Variants in ZHX2 observed in about 807,000 individuals in gnomAD.
ZHX2 encodes the protein zinc fingers and homeoboxes 2, also known as zinc fingers and homeoboxes protein 2.
ZHX2 carries 6 observed loss-of-function variants against 21.9 expected under a neutral mutation model. That is an observed-to-expected ratio of 0.27 (90% CI 0.15 to 0.54). The LOEUF is 0.54. ZHX2 is among the 20% of genes least tolerant of loss of function. ZHX2 has a pLI of 0.95. For missense variants in ZHX2, 908 were observed against 1,090.7 expected (o/e 0.83, Z 2.36); for synonymous variants, 434 against 437.1 (o/e 0.99, Z 0.09).
chr8:122,808,232 A>G (rs1353247174), intron 1 of ZHX2, among the ~76,000 whole-genome samples: 1 of 152,220 alleles, frequency 6.6e-6, no homozygotes, highest in Non-Finnish European at 1.5e-5. Context: ...TCAGGGTTTT[A>G]AACAACAGCA....
intron 2 of ZHX2, among the ~76,000 whole-genome samples, chr8:122,921,517 C>T (rs890486900): frequency 6.6e-6 from 1 of 152,092 alleles, no homozygotes; most frequent in African/African-American, 2.4e-5. Flanking sequence ...AGTGCTCTCG[C>T]CACAAAAAAG....
intron 1 of ZHX2, among the ~76,000 whole-genome samples, chr8:122,839,293 CCTCACCCCATCATTCA>C (rs1818571598): frequency 6.6e-6 from 1 of 152,148 alleles, no homozygotes; most frequent in South Asian, 2.1e-4. Context: ...TTCCAACTTC[CCTCACCCCATCATTCA>C]CTCACCCATG....
chr8:122,797,016 A>G (rs1586575682), intron 1 of ZHX2, among the ~76,000 whole-genome samples: 1 of 152,148 alleles, frequency 6.6e-6, no homozygotes, highest in Non-Finnish European at 1.5e-5. Context: ...CTTTCACTTA[A>G]CGATCCTCAA....
chr8:122,950,104 A>G (rs1318562828), intron 2 of ZHX2, among the ~76,000 whole-genome samples: 1 of 152,178 alleles, frequency 6.6e-6, no homozygotes, highest in South Asian at 2.1e-4. Flanking sequence ...AAACTCTGCC[A>G]TACATATGGG....
At chr8:122,811,523 A>T (rs1719504105) in intron 1 of ZHX2, among the ~76,000 whole-genome samples, 2 of 152,260 alleles carry the variant, frequency 1.3e-5, no homozygotes, top group African/African-American at 4.8e-5. Context: ...GACAAGGGGA[A>T]CTGGGAGCCT....
chr8:122,784,484 C>T (rs958083871), intron 1 of ZHX2, among the ~76,000 whole-genome samples: 2 of 152,124 alleles, frequency 1.3e-5, no homozygotes, highest in Non-Finnish European at 1.5e-5. Flanking sequence ...TTCAGATACA[C>T]GACGTCACAG....
chr8:122,930,655 T>A (rs1252349502), intron 2 of ZHX2, among the ~76,000 whole-genome samples: 2 of 151,106 alleles, frequency 1.3e-5, no homozygotes, highest in African/African-American at 4.9e-5. Flanking sequence ...TTTTTTTTTT[T>A]TTTTTATTTT....
At chr8:122,871,381 A>G (rs1264518092) in intron 2 of ZHX2, among the ~76,000 whole-genome samples, 3 of 151,816 alleles carry the variant, frequency 2.0e-5, no homozygotes, top group Non-Finnish European at 2.9e-5. Context: ...CTTTGTAGGG[A>G]CATGGATGAA....
At position 122,828,849 on chromosome 8, in the gene ZHX2, T is replaced by C. The variant is rs1318339727; in HGVS notation, c.-282-34628T>C. On this transcript the variant is annotated intron_variant, in intron 1 of 3. Coordinates refer to ENST00000314393, the MANE Select transcript of ZHX2 (RefSeq NM_014943.5). This position sits in a 1 kb window ranked among gnomAD's most constrained non-coding sequence, Gnocchi z 5.2. ...CTACCCAGGGTGTTGTAGGTTTTTA[T>C]TTTATTTTATTTTATTTTACACAGA... Among the ~76,000 whole-genome samples, 1 of 152,206 alleles carries C rather than the reference T, an allele frequency of 6.6e-6. No individual in the cohort carries two copies. The highest frequency in any genetic ancestry group is 2.4e-5 in the African/African-American group (1 of 41,460).
chr8:122,831,416 A>G (rs933786933), intron 1 of ZHX2, among the ~76,000 whole-genome samples: 9 of 152,234 alleles, frequency 5.9e-5, no homozygotes, highest in Admixed American at 5.9e-4. Context: ...TTTGTAACCA[A>G]CATGGAAAGA....
chr8:122,798,029 T>C (rs2130561167), intron 1 of ZHX2, among the ~76,000 whole-genome samples: 1 of 152,180 alleles, frequency 6.6e-6, no homozygotes, highest in East Asian at 1.9e-4. Context: ...TGATTATCTG[T>C]ATGGAATAGA....
Position 122,973,807 on chromosome 8 carries a change from C to G in ZHX2, c.*570C>G, listed in dbSNP as rs557321226. 8 of 152,616 alleles carry G rather than the reference C, an allele frequency of 5.2e-5. No individual in the cohort carries two copies. Among genetic ancestry groups the G allele is most frequent in the Non-Finnish European group, 8.8e-5 (6 of 68,042 alleles). 9.5% of individuals were successfully genotyped at this position (152,616 alleles called of 1,614,324 possible). A position where few individuals can be genotyped will look rare whatever the true frequency, so the allele number is the denominator to read the frequency against. ...GCAGGAAGGGCTGAAATCCAGGCCC[C>G]TGTCTCAACTTGGAGAGAGGTGACA... On this transcript the variant is annotated 3_prime_UTR_variant, in exon 4 of 4. Transcript: ENST00000314393.
At chr8:122,868,092 G>A (rs970264068) in intron 2 of ZHX2, among the ~76,000 whole-genome samples, 6 of 152,096 alleles carry the variant, frequency 3.9e-5, no homozygotes, top group Non-Finnish European at 7.3e-5. Context: ...GCCTTTTAGC[G>A]GGTTTCTCTA....
At chr8:122,784,027 C>T (rs1239396607) in intron 1 of ZHX2, among the ~76,000 whole-genome samples, 1 of 152,214 alleles carries the variant, frequency 6.6e-6, no homozygotes, top group Non-Finnish European at 1.5e-5. Context: ...ATGCAAGAAA[C>T]CAAGATTCTG....
At chr8:122,842,801 A>T (rs1818668180) in intron 1 of ZHX2, among the ~76,000 whole-genome samples, 1 of 151,904 alleles carries the variant, frequency 6.6e-6, no homozygotes, top group African/African-American at 2.4e-5. Flanking sequence ...TCCCCTGAAC[A>T]CTCCCAGAAG....
chr8:122,910,135 A>G (rs373343722), intron 2 of ZHX2, among the ~76,000 whole-genome samples: 4 of 39,452 alleles, frequency 1.0e-4, no homozygotes, highest in Non-Finnish European at 1.7e-4. Context: ...CAAAGTAGGG[A>G]AAAAAAAAAA....
chr8:122,825,841 C>T lies in ZHX2; in HGVS notation c.-282-37636C>T, dbSNP rs557397952. Among the ~76,000 whole-genome samples, 5 of 152,304 alleles carry T rather than the reference C, an allele frequency of 3.3e-5. No individual in the cohort carries two copies. In the East Asian group the frequency reaches 9.6e-4, roughly 29 times the overall value. ...TTGTCAGAAACCACGCTGCACCAAC[C>T]CCTTTGGACCTAAATTAATGTATTC... On this transcript the variant is annotated intron_variant, in intron 1 of 3. Coordinates refer to ENST00000314393, the MANE Select transcript of ZHX2 (RefSeq NM_014943.5).
chr8:122,806,496 C>T (rs1034527281), intron 1 of ZHX2, among the ~76,000 whole-genome samples: 10 of 152,260 alleles, frequency 6.6e-5, no homozygotes, highest in African/African-American at 2.4e-4. Flanking sequence ...TGTGCAGGCA[C>T]CAGAGTTAGG....
chr8:122,934,977 C>T (rs917746340), intron 2 of ZHX2, among the ~76,000 whole-genome samples: 2 of 152,176 alleles, frequency 1.3e-5, no homozygotes, highest in Non-Finnish European at 2.9e-5. Flanking sequence ...CGTGAGCCAC[C>T]GGCCCAGCCT....
Sources: allele counts gnomAD v4.1 joint callset (sites outside exome capture counted in the v4.1 genomes callset), GRCh38; gene constraint gnomAD v4.1.1; non-coding constraint Gnocchi (gnomAD v3.1); transcripts MANE v1.5; gene names NCBI Gene and HGNC (gene_info 2026-07-23, HGNC 2026-07-21).